Variants in FOXP2 observed in about 807,000 individuals in gnomAD.
FOXP2 encodes forkhead box P2, also known as forkhead box protein P2.
Under a neutral mutation model 115.8 loss-of-function variants are expected in FOXP2, and 12 were observed. The ratio of observed to expected loss-of-function variants is 0.10; its 90% confidence interval spans 0.07 to 0.17. The LOEUF (loss-of-function observed/expected upper bound fraction) is 0.17. Among genes scored for constraint, FOXP2 ranks in the 10% least tolerant of loss-of-function variants. The pLI, the probability that FOXP2 is intolerant of heterozygous loss-of-function variation, is 1.00. For synonymous variants in FOXP2, 328 were observed against 297.7 expected, an observed-to-expected ratio of 1.10 and a Z score of -1.05; for missense variants, 629 against 843.5, an observed-to-expected ratio of 0.75 and a Z score of 3.15.
intron 2 of FOXP2, among the ~76,000 whole-genome samples, chr7:114,340,892 T>A (rs1337219257): frequency 6.6e-6 from 1 of 151,118 alleles, no homozygotes; most frequent in Non-Finnish European, 1.5e-5. Flanking sequence ...TCTTAATGGA[T>A]GATATTTGAA....
At chr7:114,338,401 A>G (rs1797909682) in intron 2 of FOXP2, among the ~76,000 whole-genome samples, 3 of 150,932 alleles carry the variant, frequency 2.0e-5, no homozygotes, top group Admixed American at 2.0e-4. Context: ...GTTATTAACT[A>G]TTTTCAACTA....
intron 2 of FOXP2, among the ~76,000 whole-genome samples, chr7:114,393,265 C>T (rs1053865090): frequency 6.6e-6 from 1 of 152,194 alleles, no homozygotes; most frequent in Middle Eastern, 3.4e-3. Flanking sequence ...CCTCATCTCC[C>T]CTTCTACCTT....
At chr7:114,136,885 T>C (rs892376550) in intron 1 of FOXP2, among the ~76,000 whole-genome samples, 3 of 151,998 alleles carry the variant, frequency 2.0e-5, no homozygotes, top group African/African-American at 7.2e-5. Context: ...GAATCCCAGA[T>C]ACTATGATTC....
intron 3 of FOXP2, among the ~76,000 whole-genome samples, chr7:114,578,061 G>T (rs555849766): frequency 6.6e-6 from 1 of 151,926 alleles, no homozygotes; most frequent in Non-Finnish European, 1.5e-5. Flanking sequence ...TATACCTGAA[G>T]AACATTTTCT....
intron 2 of FOXP2, among the ~76,000 whole-genome samples, chr7:114,492,947 G>T (rs1434748065): frequency 6.6e-6 from 1 of 152,148 alleles, no homozygotes; most frequent in Non-Finnish European, 1.5e-5. Context: ...GCAGAGCTGA[G>T]TTCAATTCCT....
At chr7:114,676,133 T>C (rs1185384396) in intron 16 of FOXP2, among the ~76,000 whole-genome samples, 1 of 149,744 alleles carries the variant, frequency 6.7e-6, no homozygotes, top group Admixed American at 6.7e-5. Context: ...TTCTTCTTGT[T>C]GGCCAGTCTG....
chr7:114,336,862 T>C (rs965974534), intron 2 of FOXP2, among the ~76,000 whole-genome samples: 2 of 147,948 alleles, frequency 1.4e-5, no homozygotes, highest in African/African-American at 5.2e-5. Flanking sequence ...GCAAATCACT[T>C]GCAATTTCCA....
At chr7:114,379,019 G>C (rs1358759383) in intron 2 of FOXP2, among the ~76,000 whole-genome samples, 3 of 151,718 alleles carry the variant, frequency 2.0e-5, no homozygotes, top group African/African-American at 7.3e-5. Flanking sequence ...AAATATAGGA[G>C]GTAAAATGAC....
chr7:114,692,420 T>G lies in FOXP2; in HGVS notation c.*2494T>G. The stretch of plus-strand genomic sequence containing the variant: ...ACTGCAATTGCTTTGAAAATAGATT[T>G]TAGGTTTTTTGGAGTTTCCTGAAAT... On this transcript the variant is annotated 3_prime_UTR_variant, in exon 17 of 17. Coordinates refer to ENST00000350908, the MANE Select transcript of FOXP2 (RefSeq NM_014491.4). 1 of 450,112 alleles carries G rather than the reference T, an allele frequency of 2.2e-6. No homozygotes were observed. The highest frequency in any genetic ancestry group is 1.6e-5 in the South Asian group (1 of 63,362). The allele number at this position is 450,112 out of a possible 1,614,324, so 27.9% of individuals were successfully genotyped here.
chr7:114,204,606 A>T (rs1275442783), intron 1 of FOXP2, among the ~76,000 whole-genome samples: 2 of 152,226 alleles, frequency 1.3e-5, no homozygotes. Context: ...AAAACAAAAC[A>T]AAACAAAAAA....
intron 1 of FOXP2, among the ~76,000 whole-genome samples, chr7:114,254,513 A>C (rs1795549733): frequency 6.6e-6 from 1 of 151,886 alleles, no homozygotes; most frequent in Non-Finnish European, 1.5e-5. Context: ...TTTTTCTCTA[A>C]ACTTCTCTTC....
intron 3 of FOXP2, among the ~76,000 whole-genome samples, chr7:114,597,916 A>G (rs2129311901): frequency 6.6e-6 from 1 of 152,304 alleles, no homozygotes; most frequent in African/African-American, 2.4e-5. Context: ...TCAAGCCAAT[A>G]TGGACAGTGA....
chr7:114,236,939 T>C (rs1795023446), intron 1 of FOXP2, among the ~76,000 whole-genome samples: 1 of 152,186 alleles, frequency 6.6e-6, no homozygotes, highest in African/African-American at 2.4e-5. Flanking sequence ...ATCATGCAAC[T>C]GACTCCATCC....
chr7:114,582,266 C>G (rs1801910697), intron 3 of FOXP2, among the ~76,000 whole-genome samples: 1 of 152,152 alleles, frequency 6.6e-6, no homozygotes, highest in African/African-American at 2.4e-5. Flanking sequence ...TGAGCAAACT[C>G]ATAGTTAGAC....
At chr7:114,144,352 CTAATG>C (rs1034506614) in intron 1 of FOXP2, among the ~76,000 whole-genome samples, 14 of 152,074 alleles carry the variant, frequency 9.2e-5, no homozygotes, top group African/African-American at 3.4e-4. Flanking sequence ...TTTACTGTCT[CTAATG>C]TAAAGCAGTT....
chr7:114,633,500 A>G (rs1805033034), intron 6 of FOXP2, among the ~76,000 whole-genome samples: 1 of 152,184 alleles, frequency 6.6e-6, no homozygotes, highest in Admixed American at 6.5e-5. Context: ...AAAAAGGAAA[A>G]AAGATGAAAT....
At chr7:114,228,951 A>T (rs1380598957) in intron 1 of FOXP2, among the ~76,000 whole-genome samples, 3 of 151,588 alleles carry the variant, frequency 2.0e-5, no homozygotes, top group Non-Finnish European at 4.4e-5. Flanking sequence ...AAAAATACAT[A>T]GAATAGCCAG....
chr7:114,388,319 T>A (rs1233549952), intron 2 of FOXP2, among the ~76,000 whole-genome samples: 12 of 147,492 alleles, frequency 8.1e-5, no homozygotes, highest in South Asian at 2.1e-4. Context: ...ATATTTCTGG[T>A]AAAAAAAAAA....
At chr7:114,659,534 C>T (rs1806763785) in intron 12 of FOXP2, 38 bp from the exon 13 acceptor site, 2 of 1,593,234 alleles carry the variant, frequency 1.3e-6, no homozygotes, top group Non-Finnish European at 1.7e-6. Flanking sequence ...GTTAGTAAAC[C>T]ATTATTTTAT....
Sources: gnomAD v4.1 joint callset for allele counts (sites outside exome capture counted in the v4.1 genomes callset) on GRCh38, gnomAD v4.1.1 for gene constraint, MANE v1.5 for transcripts, NCBI Gene and HGNC (gene_info 2026-07-23, HGNC 2026-07-21) for gene names.